Variants in ARHGAP15 observed in about 807,000 individuals in gnomAD.
The protein encoded by ARHGAP15 is Rho GTPase activating protein 15.
In ARHGAP15, 51 loss-of-function variants were observed where a neutral mutation model predicts 63.7. That is an observed-to-expected ratio of 0.80 (90% confidence interval 0.64 to 1.01). The LOEUF is 1.01. Among genes scored for constraint, ARHGAP15 ranks in the 50% least tolerant of loss-of-function variants. ARHGAP15 has a pLI of 0.00. For synonymous variants in ARHGAP15, 191 were observed against 193.8 expected (o/e 0.99, Z 0.12); for missense variants, 560 against 564.6 (o/e 0.99, Z 0.08).
At chr2:143,492,393 A>G (rs566909325) in intron 9 of ARHGAP15, among the ~76,000 whole-genome samples, 275 of 152,176 alleles carry the variant, frequency 1.8e-3, no homozygotes, top group African/African-American at 3.3e-3. Context: ...TTCTACTTCT[A>G]TGTCATACAA....
At chr2:143,465,058 C>T (rs1691135480) in intron 8 of ARHGAP15, among the ~76,000 whole-genome samples, 2 of 152,154 alleles carry the variant, frequency 1.3e-5, no homozygotes, top group Non-Finnish European at 2.9e-5. Context: ...CCATCAGTCT[C>T]TCAAAATGTT....
intron 8 of ARHGAP15, among the ~76,000 whole-genome samples, chr2:143,454,439 A>T (rs1486530634): frequency 6.6e-6 from 1 of 152,050 alleles, no homozygotes; most frequent in East Asian, 1.9e-4. Context: ...ATCACTGTAT[A>T]TTTATCTGTT....
At chr2:143,215,406 T>C (rs536739811) in intron 3 of ARHGAP15, among the ~76,000 whole-genome samples, 15 of 152,316 alleles carry the variant, frequency 9.8e-5, no homozygotes, top group Non-Finnish European at 2.1e-4. Context: ...TCACTGGGTT[T>C]TACTAATTTA....
At chr2:143,182,035 G>A (rs1032998335) in intron 2 of ARHGAP15, among the ~76,000 whole-genome samples, 5 of 150,056 alleles carry the variant, frequency 3.3e-5, no homozygotes, top group East Asian at 2.0e-4. Context: ...CCTGCCTCCC[G>A]GGTTCAAGTG....
intron 13 of ARHGAP15, among the ~76,000 whole-genome samples, chr2:143,737,464 A>T (rs1685789255): frequency 6.6e-6 from 1 of 152,244 alleles, no homozygotes; most frequent in Non-Finnish European, 1.5e-5. Flanking sequence ...AATGTAGAAC[A>T]TGAGGATGAA....
intron 9 of ARHGAP15, among the ~76,000 whole-genome samples, chr2:143,496,607 C>T (rs1008578422): frequency 1.3e-5 from 2 of 152,166 alleles, no homozygotes; most frequent in African/African-American, 4.8e-5. Context: ...ATGTAACTCA[C>T]TATACTTTAT....
At chr2:143,594,504 T>C (rs907368601) in intron 11 of ARHGAP15, among the ~76,000 whole-genome samples, 4 of 152,200 alleles carry the variant, frequency 2.6e-5, no homozygotes, top group African/African-American at 9.6e-5. Flanking sequence ...GTTTGGAATA[T>C]AGATGTGGCT....
intron 2 of ARHGAP15, among the ~76,000 whole-genome samples, chr2:143,166,001 A>AGAAAGAAAGAAAGAAAGAAG (rs70982847): frequency 4.0e-5 from 4 of 101,156 alleles, no homozygotes; most frequent in East Asian, 3.0e-4. Context: ...AAAGAAAGAA[A>AGAAAGAAAGAAAGAAAGAAG]GAAGGAAGGA....
chr2:143,419,686 CAT>C (rs775419293), intron 6 of ARHGAP15, among the ~76,000 whole-genome samples: 39 of 151,166 alleles, frequency 2.6e-4, no homozygotes, highest in African/African-American at 8.8e-4. Context: ...ATAAACATAA[CAT>C]ATGTATTAAA....
At chr2:143,215,792 A>G (rs1221595957) in intron 3 of ARHGAP15, among the ~76,000 whole-genome samples, 2 of 152,224 alleles carry the variant, frequency 1.3e-5, no homozygotes, top group Non-Finnish European at 1.5e-5. Context: ...TTGCAGCTCT[A>G]TTAGAAATGA....
At chr2:143,705,001 CA>C (rs1216304199) in intron 13 of ARHGAP15, among the ~76,000 whole-genome samples, 1 of 152,154 alleles carries the variant, frequency 6.6e-6, no homozygotes, top group African/African-American at 2.4e-5. Context: ...CACATGCAAA[CA>C]TATGTGTGTA....
At chr2:143,591,467 G>T (rs1697315236) in intron 11 of ARHGAP15, among the ~76,000 whole-genome samples, 1 of 151,714 alleles carries the variant, frequency 6.6e-6, no homozygotes, top group African/African-American at 2.4e-5. Context: ...AATACTTCAG[G>T]GCTCTGCTTC....
At chr2:143,619,800 G>C (rs1663459194) in intron 11 of ARHGAP15, among the ~76,000 whole-genome samples, 1 of 152,292 alleles carries the variant, frequency 6.6e-6, no homozygotes, top group African/African-American at 2.4e-5. Context: ...TGCTGGCCAT[G>C]TGAAGATGTG....
At chr2:143,285,599 T>C (rs1338906815) in intron 6 of ARHGAP15, among the ~76,000 whole-genome samples, 1 of 152,210 alleles carries the variant, frequency 6.6e-6, no homozygotes, top group Non-Finnish European at 1.5e-5. Flanking sequence ...CTGCACGCAT[T>C]CATTTCTGAA....
rs140817357 is a variant in ARHGAP15 at position 143,561,766 on chromosome 2, G to A, written c.1003+5281G>A. ...GATCTGCCCACTTCGGCCTTCCAAA[G>A]TGCTGGGATTACAGAGTAAGCCACT... On this transcript the variant is annotated intron_variant, in intron 11 of 13. Transcript: ENST00000295095. 2.2e-3 allele frequency among the ~76,000 whole-genome samples: 333 copies of A among 152,124 alleles called. 6 individuals carry two copies. The East Asian group carries it at 0.058, about 26-fold the overall frequency.
chr2:143,487,815 A>C (rs373925746), intron 9 of ARHGAP15, among the ~76,000 whole-genome samples: 3 of 152,168 alleles, frequency 2.0e-5, no homozygotes, highest in Non-Finnish European at 4.4e-5. Flanking sequence ...GGGTGGTTCC[A>C]GTTCACAGCT....
intron 6 of ARHGAP15, among the ~76,000 whole-genome samples, chr2:143,427,684 A>C (rs769414803): frequency 7.9e-5 from 12 of 152,112 alleles, no homozygotes; most frequent in African/African-American, 2.9e-4. Context: ...GTTTAATCCT[A>C]TTGTCTGATG....
At chr2:143,260,539 A>G (rs1680666482) in intron 6 of ARHGAP15, among the ~76,000 whole-genome samples, 1 of 152,162 alleles carries the variant, frequency 6.6e-6, no homozygotes, top group Admixed American at 6.5e-5. Context: ...ATTTCCCTGT[A>G]TCATTAAACT....
intron 13 of ARHGAP15, among the ~76,000 whole-genome samples, chr2:143,726,862 CCTA>C (rs1685303609): frequency 6.6e-6 from 1 of 152,184 alleles, no homozygotes; most frequent in African/African-American, 2.4e-5. Context: ...TAGAAGACCA[CCTA>C]CTTTGTTTGC....
Sources: gnomAD v4.1 joint callset for allele counts (sites outside exome capture counted in the v4.1 genomes callset) on GRCh38, gnomAD v4.1.1 for gene constraint, MANE v1.5 for transcripts, NCBI Gene and HGNC (gene_info 2026-07-23, HGNC 2026-07-21) for gene names.